Variants in TMEM131L observed in about 807,000 individuals in gnomAD.
TMEM131L encodes transmembrane protein 131-like.
A neutral mutation model predicts 192.2 loss-of-function variants in TMEM131L; 54 were observed. The observed-to-expected ratio is 0.28, with a 90% CI of 0.23 to 0.35. The LOEUF is 0.35. TMEM131L is among the 10% of genes least tolerant of loss of function. The pLI is 1.00. For missense variants in TMEM131L, 1,888 were observed against 1,972.9 expected, an observed-to-expected ratio of 0.96 and a Z score of 0.82; for synonymous variants, 701 against 704.9, an observed-to-expected ratio of 0.99 and a Z score of 0.09.
chr4:153,493,244 G>GC (rs1173821808), intron 3 of TMEM131L, among the ~76,000 whole-genome samples: 1 of 151,336 alleles, frequency 6.6e-6, no homozygotes, highest in Non-Finnish European at 1.5e-5. Flanking sequence ...TACTCAGGAG[G>GC]CTGAGGGAGG....
chr4:153,492,242 T>C (rs1171816588), intron 3 of TMEM131L, among the ~76,000 whole-genome samples: 1 of 152,132 alleles, frequency 6.6e-6, no homozygotes, highest in Non-Finnish European at 1.5e-5. Flanking sequence ...CTCAAACTCC[T>C]GCGCTCAACA....
chr4:153,558,051 G>A (rs1194439056), intron 6 of TMEM131L, among the ~76,000 whole-genome samples: 9 of 152,326 alleles, frequency 5.9e-5, no homozygotes, highest in East Asian at 1.9e-4. Context: ...GATTACAGGC[G>A]TGAGCCACCG....
intron 14 of TMEM131L, 115 bp from the exon 15 acceptor site, chr4:153,587,627 G>A (rs548649094): frequency 7.6e-5 from 60 of 788,522 alleles, no homozygotes; most frequent in Non-Finnish European, 8.7e-5. Context: ...TTGGCTCGTG[G>A]TTAAAGGGAA....
At chr4:153,523,890 TACCTAATCAG>T (rs1370818502) in intron 3 of TMEM131L, among the ~76,000 whole-genome samples, 2 of 152,246 alleles carry the variant, frequency 1.3e-5, no homozygotes, top group African/African-American at 4.8e-5. Flanking sequence ...CCCAAGGTTT[TACCTAATCAG>T]AGGAGGCCTC....
intron 18 of TMEM131L, 78 bp from the exon 19 acceptor site, chr4:153,593,721 T>C: frequency 1.1e-6 from 1 of 911,694 alleles, no homozygotes; most frequent in Non-Finnish European, 1.8e-6. Context: ...TAAATGTATA[T>C]ATGTGCACAC....
intron 4 of TMEM131L, among the ~76,000 whole-genome samples, chr4:153,552,939 T>TTA (rs1415317642): frequency 1.6e-5 from 2 of 126,976 alleles, no homozygotes; most frequent in African/African-American, 7.8e-5. Context: ...TGTTGTTATT[T>TTA]TTTGTGTTTT....
At chr4:153,491,965 G>C (rs1399937669) in intron 3 of TMEM131L, among the ~76,000 whole-genome samples, 1 of 152,034 alleles carries the variant, frequency 6.6e-6, no homozygotes, top group Non-Finnish European at 1.5e-5. Flanking sequence ...TCCCCAAAGT[G>C]TTGGGATTGT....
chr4:153,566,626 A>G (rs958327854), intron 7 of TMEM131L, among the ~76,000 whole-genome samples: 4 of 152,288 alleles, frequency 2.6e-5, no homozygotes, highest in South Asian at 4.1e-4. Context: ...ATCAGAAGGT[A>G]TAATGTGATT....
chr4:153,483,401 C>T (rs1732079679), intron 3 of TMEM131L, among the ~76,000 whole-genome samples: 1 of 152,154 alleles, frequency 6.6e-6, no homozygotes. Flanking sequence ...AATCCAACAA[C>T]CCAAGAAGAG....
intron 34 of TMEM131L, among the ~76,000 whole-genome samples, 181 bp downstream of exon 34, chr4:153,635,752 A>T (rs1457567391): frequency 6.6e-6 from 1 of 152,190 alleles, no homozygotes; most frequent in Non-Finnish European, 1.5e-5. Context: ...GACATGTAAT[A>T]ATTAGATGGG....
intron 3 of TMEM131L, among the ~76,000 whole-genome samples, chr4:153,532,560 C>T (rs1735982227): frequency 6.6e-6 from 1 of 151,988 alleles, no homozygotes; most frequent in Admixed American, 6.6e-5. Context: ...ACCAGCAGCA[C>T]ACTCTAATTT....
intron 3 of TMEM131L, among the ~76,000 whole-genome samples, chr4:153,493,209 G>T (rs980333827): frequency 2.6e-5 from 4 of 151,480 alleles, no homozygotes; most frequent in Non-Finnish European, 5.9e-5. Context: ...AGCCGGGCGT[G>T]GTGGCAGGCG....
chr4:153,477,886 G>A (rs1323131823), intron 3 of TMEM131L, among the ~76,000 whole-genome samples: 1 of 152,144 alleles, frequency 6.6e-6, no homozygotes, highest in Non-Finnish European at 1.5e-5. Flanking sequence ...CATATTCAGA[G>A]TTGTATAACT....
At chr4:153,559,843 A>G (rs904139543) in intron 7 of TMEM131L, among the ~76,000 whole-genome samples, 1 of 152,020 alleles carries the variant, frequency 6.6e-6, no homozygotes, top group Admixed American at 6.6e-5. Flanking sequence ...AATCCCGCTT[A>G]TGGCTGTAAG....
chr4:153,469,240 C>G (rs1460267368), intron 2 of TMEM131L, among the ~76,000 whole-genome samples: 2 of 151,792 alleles, frequency 1.3e-5, no homozygotes, highest in Non-Finnish European at 2.9e-5. Context: ...TTTCTAAATA[C>G]TTCATCCATA....
chr4:153,596,827 G>T (rs1294916208), intron 20 of TMEM131L, among the ~76,000 whole-genome samples: 1 of 152,178 alleles, frequency 6.6e-6, no homozygotes, highest in African/African-American at 2.4e-5. Flanking sequence ...CAATAGAAAA[G>T]GTGTTTCATT....
chr4:153,547,733 G>A lies in TMEM131L; in HGVS notation c.240-2340G>A, dbSNP rs879362848. Among the ~76,000 whole-genome samples, 12 of 152,324 alleles carry A rather than the reference G, an allele frequency of 7.9e-5. No homozygotes were observed. The East Asian group carries it at 1.5e-3, about 20-fold the overall frequency. ...CGTCATCAGCAGGCCAGACTGCATC[G>A]GTTCCTTGGATAGGTCGTACAGTGC... On this transcript the variant is annotated intron_variant, in intron 3 of 34. Transcript: ENST00000409959.
intron 25 of TMEM131L, among the ~76,000 whole-genome samples, chr4:153,611,450 T>A (rs1334465316): frequency 1.3e-5 from 2 of 152,264 alleles, no homozygotes; most frequent in African/African-American, 4.8e-5. Context: ...CTTAAAAACA[T>A]GTATATATAA....
intron 21 of TMEM131L, among the ~76,000 whole-genome samples, chr4:153,601,712 A>T (rs1160629036): frequency 6.6e-6 from 1 of 152,196 alleles, no homozygotes; most frequent in Non-Finnish European, 1.5e-5. Context: ...GCTGTGATGG[A>T]TTTATACAGA....
Sources: gnomAD v4.1 joint callset for allele counts (sites outside exome capture counted in the v4.1 genomes callset) on GRCh38, gnomAD v4.1.1 for gene constraint, MANE v1.5 for transcripts, NCBI Gene and HGNC (gene_info 2026-07-23, HGNC 2026-07-21) for gene names.